The following TBC1D19 variants were observed in gnomAD, a reference collection of about 807,000 sequenced individuals.
TBC1D19 encodes TBC1 domain family, member 19.
A neutral mutation model predicts 89.0 loss-of-function variants in TBC1D19; 60 were observed. The ratio of observed to expected loss-of-function variants is 0.67; its 90% CI spans 0.55 to 0.84. The LOEUF (loss-of-function observed/expected upper bound fraction) is 0.84. TBC1D19 is among the 40% of genes least tolerant of loss of function. TBC1D19 has a pLI of 0.00. For missense variants in TBC1D19, 500 were observed against 610.8 expected (o/e 0.82, Z 1.91); for synonymous variants, 189 against 199.7 (o/e 0.95, Z 0.45).
the TBC1D19 span, among the ~76,000 whole-genome samples, chr4:26,808,764 T>C: frequency 6.6e-6 from 1 of 151,072 alleles, no homozygotes; most frequent in South Asian, 2.1e-4. Context: ...AAAAAGAAAT[T>C]TGTAGCTAAG....
chr4:26,585,663 A>G (rs1739367490), intron 1 of TBC1D19, among the ~76,000 whole-genome samples: 1 of 149,830 alleles, frequency 6.7e-6, no homozygotes, highest in African/African-American at 2.5e-5. Flanking sequence ...GGCTCACTAC[A>G]ACCTCTGCCT....
intron 13 of TBC1D19, among the ~76,000 whole-genome samples, chr4:26,698,926 A>C (rs1427866107): frequency 1.3e-5 from 2 of 152,240 alleles, no homozygotes; most frequent in South Asian, 2.1e-4. Flanking sequence ...GAAAACCTAG[A>C]CAATACCATT....
In TBC1D19 at chr4:26,648,442, C is replaced by A. The variant is rs16878518; in HGVS notation, c.480+8255C>A. On this transcript the variant is annotated intron_variant, in intron 7 of 20. Transcript: ENST00000264866. ...ATGTCACTGCATCTTGGCCAAGGGT[C>A]ACTACCAGACTTCCAGGTATTTCTG... is the stretch of plus-strand genomic sequence containing the variant. Among the ~76,000 whole-genome samples the A allele has an allele frequency of 5.6e-3, 860 of 152,316 alleles. 8 individuals carry two copies. Among genetic ancestry groups the A allele is most frequent in the African/African-American group, 0.02 (822 of 41,566 alleles).
the TBC1D19 span, among the ~76,000 whole-genome samples, chr4:26,815,410 T>TCCAGAACTTCCAGA: frequency 1.3e-5 from 2 of 152,368 alleles, 1 homozygote; most frequent in Middle Eastern, 6.8e-3. Flanking sequence ...AACTTCCTCT[T>TCCAGAACTTCCAGA]ACTACCACAA....
intron 12 of TBC1D19, among the ~76,000 whole-genome samples, chr4:26,684,682 T>A (rs915570603): frequency 3.3e-4 from 50 of 152,258 alleles, no homozygotes; most frequent in African/African-American, 1.1e-3. Context: ...AGATTTAAAA[T>A]TTAGATTTGA....
downstream of TBC1D19, among the ~76,000 whole-genome samples, chr4:26,757,372 T>C (rs748923418): frequency 1.3e-5 from 2 of 152,106 alleles, no homozygotes; most frequent in African/African-American, 4.8e-5. Context: ...TTTCTTCCTC[T>C]TGCATCCTCC....
At chr4:26,786,893 A>G in the TBC1D19 span, among the ~76,000 whole-genome samples, 1 of 152,172 alleles carries the variant, frequency 6.6e-6, no homozygotes, top group African/African-American at 2.4e-5. Context: ...ATTACACAGT[A>G]TCTTTGAAGT....
chr4:26,742,089 G>A (rs1005290966), intron 17 of TBC1D19, among the ~76,000 whole-genome samples: 2 of 152,170 alleles, frequency 1.3e-5, no homozygotes, highest in African/African-American at 4.8e-5. Flanking sequence ...TATGGAGGGA[G>A]AGTGAAGGTG....
the TBC1D19 span, among the ~76,000 whole-genome samples, chr4:26,856,647 T>C: frequency 6.6e-6 from 1 of 152,248 alleles, no homozygotes; most frequent in Non-Finnish European, 1.5e-5. Context: ...TATTTGTCTT[T>C]TTGATAATAG....
intron 16 of TBC1D19, among the ~76,000 whole-genome samples, chr4:26,736,640 G>T (rs944860662): frequency 7.9e-5 from 12 of 152,134 alleles, no homozygotes; most frequent in African/African-American, 1.4e-4. Flanking sequence ...GCTCTAATAG[G>T]TGTAAAATCA....
chr4:26,660,484 C>T (rs901764225), intron 8 of TBC1D19, among the ~76,000 whole-genome samples: 3 of 152,144 alleles, frequency 2.0e-5, no homozygotes, highest in African/African-American at 7.2e-5. Context: ...TCTTTCAGCT[C>T]CAAATTCTCC....
the TBC1D19 span, among the ~76,000 whole-genome samples, chr4:26,811,960 G>A: frequency 6.6e-6 from 1 of 152,054 alleles, no homozygotes; most frequent in African/African-American, 2.4e-5. Context: ...CTGTGACTTC[G>A]AATGCCTTAA....
rs1380432026 is a variant in TBC1D19 at position 26,666,390 on chromosome 4, A to G, written c.649A>G (p.Thr217Ala). 1 of 1,609,834 alleles carries G rather than the reference A, an allele frequency of 6.2e-7. No individual in the cohort carries two copies. The highest frequency in any genetic ancestry group is 8.5e-7 in the Non-Finnish European group (1 of 1,177,534). ...AGGACAACTGGGTATAGATGATTCTACACAAGTGCCTCCTGGTTAGTATTT... is the reference window on the plus strand; with the variant it reads ...AGGACAACTGGGTATAGATGATTCTGCACAAGTGCCTCCTGGTTAGTATTT... ...NIGQLGIDDS[T>A]QVPPELFENE... The change falls in exon 9 of 21, where the codon ACA becomes GCA. Residue 217 changes from threonine to alanine, a missense_variant. This residue lies in a region of TBC1D19 where 280 missense variants were observed against 291.7 expected (regional missense o/e 0.96). Coordinates refer to ENST00000264866, the MANE Select transcript of TBC1D19 (RefSeq NM_018317.4).
rs537843996 is a variant in TBC1D19 at position 26,619,425 on chromosome 4, T to C, written c.219-1188T>C. On this transcript the variant is annotated intron_variant, in intron 3 of 20. Coordinates refer to ENST00000264866, the MANE Select transcript of TBC1D19 (RefSeq NM_018317.4). Reference sequence around the variant, plus strand: ...TTTCACCATGTTAGCCAGGATGGTCTCGAGCTCCTGACCTCGTGATCCACC... The same window carrying C: ...TTTCACCATGTTAGCCAGGATGGTCCCGAGCTCCTGACCTCGTGATCCACC... 3.9e-5 allele frequency among the ~76,000 whole-genome samples: 6 copies of C among 152,248 alleles called. No homozygotes were observed. In the East Asian group the frequency reaches 1.2e-3, roughly 29 times the overall value.
chr4:26,746,476 G>A (rs1270800982), intron 18 of TBC1D19, among the ~76,000 whole-genome samples: 1 of 151,216 alleles, frequency 6.6e-6, no homozygotes, highest in Admixed American at 6.6e-5. Flanking sequence ...TTTTACTATT[G>A]GATCCCATCT....
intron 11 of TBC1D19, among the ~76,000 whole-genome samples, chr4:26,677,405 G>A (rs549634812): frequency 7.3e-5 from 11 of 150,266 alleles, no homozygotes; most frequent in Admixed American, 2.0e-4. Context: ...TGCAAGCTCC[G>A]CCTCCCAGGT....
At chr4:26,719,435 A>G (rs1716842026) in intron 14 of TBC1D19, among the ~76,000 whole-genome samples, 1 of 152,144 alleles carries the variant, frequency 6.6e-6, no homozygotes, top group African/African-American at 2.4e-5. Flanking sequence ...CAAAAGTGTT[A>G]GAAAAACTGT....
At chr4:26,623,868 T>G (rs1488158581) in intron 4 of TBC1D19, among the ~76,000 whole-genome samples, 1 of 152,178 alleles carries the variant, frequency 6.6e-6, no homozygotes, top group Non-Finnish European at 1.5e-5. Context: ...CTTATCTTAT[T>G]TTTATACCTC....
In TBC1D19 at chr4:26,748,517, A is replaced by G. The variant is rs1718773826; in HGVS notation, c.1426A>G (p.Ile476Val). Residue 476 changes from isoleucine to valine, a missense_variant, in exon 19 of 21, where the codon ATT becomes GTT. By Grantham distance (29) the Ile-to-Val change is conservative (BLOSUM62 3). Around this residue, in one of 2 missense-constraint regions of TBC1D19, gnomAD observed 220 missense variants for 319.1 expected, o/e 0.69. Coordinates refer to ENST00000264866, the MANE Select transcript of TBC1D19 (RefSeq NM_018317.4). ...DRILGYNSLE[I>V]LAVLAAAVFA... ...AATCCTAGGATACAACTCTCTGGAA[A>G]TTCTTGCTGGTAAGAGTAAATGCTT... 1 of 1,611,362 alleles carries G rather than the reference A, an allele frequency of 6.2e-7. No homozygotes were observed. The highest frequency in any genetic ancestry group is 1.3e-5 in the African/African-American group (1 of 74,986).
Sources: gnomAD v4.1 joint callset for allele counts (sites outside exome capture counted in the v4.1 genomes callset) on GRCh38, gnomAD v4.1.1 for gene constraint, gnomAD v4.1.1 regional missense constraint, MANE v1.5 for transcripts, NCBI Gene and HGNC (gene_info 2026-07-23, HGNC 2026-07-21) for gene names.